LINGO2: variants seen among roughly 807,000 people sequenced by gnomAD.
The protein encoded by LINGO2 is leucine-rich repeat and immunoglobulin-like domain-containing nogo receptor-interacting protein 2.
A neutral mutation model predicts 30.6 loss-of-function variants in LINGO2; 14 were observed. The observed-to-expected ratio is 0.46, with a 90% confidence interval of 0.30 to 0.72. LINGO2 has a LOEUF of 0.72. LINGO2 is among the 30% of genes least tolerant of loss of function. The pLI is 0.07. For missense variants in LINGO2, 729 were observed against 751.7 expected (o/e 0.97, Z 0.35); for synonymous variants, 317 against 288.5 (o/e 1.10, Z -1.00).
chr9:28,507,590 A>T (rs1348641233), intron 1 of LINGO2, among the ~76,000 whole-genome samples: 1 of 152,176 alleles, frequency 6.6e-6, no homozygotes, highest in Non-Finnish European at 1.5e-5. Flanking sequence ...ATAGGTTAGT[A>T]AAGAAAAAGG....
the LINGO2 span, among the ~76,000 whole-genome samples, chr9:28,908,036 T>C: frequency 6.6e-6 from 1 of 151,796 alleles, no homozygotes; most frequent in Non-Finnish European, 1.5e-5. Context: ...AGTACTAAAA[T>C]ATATTTAGGT....
the LINGO2 span, among the ~76,000 whole-genome samples, chr9:28,827,569 G>T: frequency 6.6e-6 from 1 of 152,138 alleles, no homozygotes; most frequent in East Asian, 1.9e-4. Context: ...CTTGACAAAT[G>T]ATACATATTA....
intron 4 of LINGO2, among the ~76,000 whole-genome samples, chr9:28,097,323 T>A (rs1278440939): frequency 6.6e-6 from 1 of 151,680 alleles, no homozygotes; most frequent in African/African-American, 2.4e-5. Flanking sequence ...GACCCAGCCA[T>A]CCCATTACTG....
chr9:28,700,376 T>C, the LINGO2 span, among the ~76,000 whole-genome samples: 1 of 152,188 alleles, frequency 6.6e-6, no homozygotes, highest in Admixed American at 6.6e-5. Flanking sequence ...GAATCTCCTA[T>C]AGTTGGGGGT....
chr9:28,791,010 A>G, the LINGO2 span, among the ~76,000 whole-genome samples: 2 of 152,190 alleles, frequency 1.3e-5, no homozygotes, highest in Admixed American at 6.5e-5. Context: ...ACAGTTTCCA[A>G]AGTTTTTTTA....
At chr9:28,915,352 T>C in the LINGO2 span, among the ~76,000 whole-genome samples, 1 of 152,146 alleles carries the variant, frequency 6.6e-6, no homozygotes, top group African/African-American at 2.4e-5. Flanking sequence ...CAGGGCTTGT[T>C]AAAACACAGA....
intron 1 of LINGO2, among the ~76,000 whole-genome samples, chr9:28,549,741 T>G (rs1452130185): frequency 6.6e-6 from 1 of 151,924 alleles, no homozygotes; most frequent in African/African-American, 2.4e-5. Context: ...TTTACCTTTT[T>G]CTATTAAAGT....
intron 4 of LINGO2, among the ~76,000 whole-genome samples, chr9:28,195,268 C>T (rs1392165128): frequency 6.6e-6 from 1 of 151,576 alleles, no homozygotes. Context: ...TTAGACCTAC[C>T]TGAAATAGTC....
chr9:29,213,554 G>C, the LINGO2 span, among the ~76,000 whole-genome samples: 1 of 152,036 alleles, frequency 6.6e-6, no homozygotes, highest in Admixed American at 6.5e-5. Flanking sequence ...CAGGATAGCC[G>C]GCTGGGGCTT....
At chr9:28,022,092 T>TA (rs150517957) in intron 4 of LINGO2, among the ~76,000 whole-genome samples, 1,677 of 152,220 alleles carry the variant, frequency 0.011, 40 homozygotes, top group African/African-American at 0.038. Flanking sequence ...GATTCAATTT[T>TA]AGCTCCTCTT....
At chr9:28,982,447 C>G in the LINGO2 span, among the ~76,000 whole-genome samples, 5 of 151,560 alleles carry the variant, frequency 3.3e-5, no homozygotes, top group African/African-American at 1.2e-4. Context: ...CCACAAGTTG[C>G]CAGTTAAATT....
the LINGO2 span, among the ~76,000 whole-genome samples, chr9:28,823,370 T>G: frequency 6.6e-6 from 1 of 152,190 alleles, no homozygotes; most frequent in Non-Finnish European, 1.5e-5. Flanking sequence ...AAAGGTTTTA[T>G]AGGTCAATAT....
chr9:28,624,583 C>T (rs1362582294), intron 1 of LINGO2, among the ~76,000 whole-genome samples: 3 of 150,710 alleles, frequency 2.0e-5, no homozygotes, highest in Middle Eastern at 3.5e-3. Flanking sequence ...AGTATTTTAT[C>T]GAGGATTTTT....
At chr9:28,872,612 A>G in the LINGO2 span, among the ~76,000 whole-genome samples, 3 of 152,156 alleles carry the variant, frequency 2.0e-5, no homozygotes, top group Non-Finnish European at 2.9e-5. Flanking sequence ...GGGGATATGC[A>G]CAAAAATTCC....
At chr9:28,895,179 T>C in the LINGO2 span, among the ~76,000 whole-genome samples, 1 of 151,900 alleles carries the variant, frequency 6.6e-6, no homozygotes, top group African/African-American at 2.4e-5. Context: ...GAAATTTTGA[T>C]GGGCTACATA....
chr9:28,285,485 A>G (rs935571166), intron 4 of LINGO2, among the ~76,000 whole-genome samples: 1 of 137,594 alleles, frequency 7.3e-6, no homozygotes, highest in African/African-American at 2.7e-5. Context: ...AGCTCACTGC[A>G]AGGTCCGCCT....
chr9:28,450,787 A>G (rs940466002), intron 2 of LINGO2, among the ~76,000 whole-genome samples: 3 of 152,034 alleles, frequency 2.0e-5, no homozygotes, highest in African/African-American at 7.2e-5. Flanking sequence ...TTTTAAATGT[A>G]TATATTAACT....
the LINGO2 span, among the ~76,000 whole-genome samples, chr9:28,869,914 A>G: frequency 1.4e-4 from 21 of 151,982 alleles, no homozygotes; most frequent in African/African-American, 4.6e-4. Flanking sequence ...CTCCCCTTAC[A>G]TAAAAATGTC....
chr9:29,192,780 T>C, the LINGO2 span, among the ~76,000 whole-genome samples: 4 of 152,144 alleles, frequency 2.6e-5, no homozygotes, highest in Non-Finnish European at 5.9e-5. Flanking sequence ...TTTAAGAAAC[T>C]CCATCTCTCT....
Sources: allele counts gnomAD v4.1 joint callset (sites outside exome capture counted in the v4.1 genomes callset), GRCh38; gene constraint gnomAD v4.1.1; transcripts MANE v1.5; gene names NCBI Gene and HGNC (gene_info 2026-07-23, HGNC 2026-07-21).